Variants in SIRPA observed in about 807,000 individuals in gnomAD.
SIRPA encodes the protein tyrosine-protein phosphatase non-receptor type substrate 1.
A neutral mutation model predicts 50.3 loss-of-function variants in SIRPA; 9 were observed. That is an observed-to-expected ratio of 0.18 (90% CI 0.11 to 0.31). The LOEUF is 0.31. Ranked by LOEUF, SIRPA falls within the 10% of genes least tolerant of loss-of-function variation. The pLI is 1.00. For synonymous variants in SIRPA, 265 were observed against 284.1 expected (o/e 0.93, Z 0.68); for missense variants, 474 against 661.6 (o/e 0.72, Z 3.11).
Position 1,896,856 on chromosome 20 carries a change from C to T in SIRPA, c.79+1330C>T, listed in dbSNP as rs538705909. On this transcript the variant is annotated intron_variant, in intron 1 of 7. Coordinates refer to ENST00000358771, the MANE Select transcript of SIRPA (RefSeq NM_001040023.2). ...CTGAAGGGAGCACTGATACAGTTCA[C>T]GTCTCTCCAGTGAGTGGCATCTCCT... 2.0e-5 allele frequency among the ~76,000 whole-genome samples: 3 copies of T among 146,700 alleles called. No homozygotes were observed. The East Asian group carries it at 6.6e-4, about 32-fold the overall frequency.
chr20:1,909,535 A>G (rs1293022809), intron 1 of SIRPA, among the ~76,000 whole-genome samples: 2 of 152,154 alleles, frequency 1.3e-5, no homozygotes, highest in African/African-American at 2.4e-5. Context: ...TAATCCCAGC[A>G]CTTTGGGAGG....
intron 1 of SIRPA, among the ~76,000 whole-genome samples, chr20:1,896,267 C>T (rs1983812273): frequency 6.6e-6 from 1 of 152,202 alleles, no homozygotes; most frequent in South Asian, 2.1e-4. Flanking sequence ...AGGTGCTCCG[C>T]GGGGATGTTA....
chr20:1,903,011 CAAAAAAAAAA>C (rs58735842), intron 1 of SIRPA, among the ~76,000 whole-genome samples: 11 of 90,892 alleles, frequency 1.2e-4, no homozygotes, highest in African/African-American at 1.3e-4. Context: ...GACTCTGTCT[CAAAAAAAAAA>C]AAAAAAAAAA....
At chr20:1,894,276 C>T (rs1200969785), upstream of SIRPA, 3 of 152,110 alleles carry the variant, frequency 2.0e-5, no homozygotes, top group Non-Finnish European at 1.5e-5. The surrounding 1 kb of genome is among the most constrained non-coding windows in gnomAD (Gnocchi z 4.0). Flanking sequence ...CGCCCCCGCG[C>T]CCCGACTCCT....
chr20:1,908,728 C>G (rs1984701979), intron 1 of SIRPA, among the ~76,000 whole-genome samples: 1 of 152,194 alleles, frequency 6.6e-6, no homozygotes, highest in Admixed American at 6.5e-5. Context: ...ATTGTACAGC[C>G]CTGTACTACA....
chr20:1,900,157 A>G (rs1473396530), intron 1 of SIRPA, among the ~76,000 whole-genome samples: 1 of 148,528 alleles, frequency 6.7e-6, no homozygotes, highest in African/African-American at 2.5e-5. Flanking sequence ...CTGGAGTGCA[A>G]TGGCGTGATC....
intron 1 of SIRPA, 31 bp downstream of exon 1, chr20:1,895,557 C>CT: frequency 7.2e-7 from 1 of 1,389,920 alleles, no homozygotes; most frequent in Non-Finnish European, 9.3e-7. Flanking sequence ...CACCGCTGCA[C>CT]TCCCCAAACT....
At chr20:1,917,529 G>C (rs1985376283) in intron 2 of SIRPA, among the ~76,000 whole-genome samples, 1 of 152,196 alleles carries the variant, frequency 6.6e-6, no homozygotes, top group South Asian at 2.1e-4. Context: ...GATAGAGCAA[G>C]ATTCTGTCTT....
In SIRPA at chr20:1,915,454, C is replaced by T. The variant is rs6136375; in HGVS notation, c.435C>T (p.Arg145=). 0.39 allele frequency: 611,503 copies of T among 1,565,240 alleles called. 127,963 individuals carry two copies. The highest frequency in any genetic ancestry group is 0.66 in the East Asian group (29,308 of 44,580). Residue 145 remains arginine (R), a splice_region_variant and synonymous_variant, in exon 2 of 8, where the codon CGC becomes CGT. Transcript: ENST00000358771. ...GAGCAGGCACTGAGCTGTCTGTGCG[C>T]GGTGAGTACAGCGTGGGCCTCCTTT... ...KSGAGTELSV[R]AKPSAPVVSG...
Position 1,928,092 on chromosome 20 carries a change from T to C in SIRPA, c.1226+193T>C, listed in dbSNP as rs1484403998. On this transcript the variant is annotated intron_variant, in intron 6 of 7. Transcript: ENST00000358771. This position sits in a 1 kb window ranked among gnomAD's most constrained non-coding sequence, Gnocchi z 4.9. ...TATTGTCCCAAATGAGGGGTTTTTTTGGTGCACAGAGGTGCTAATTTCTTG... is the reference window on the plus strand; with the variant it reads ...TATTGTCCCAAATGAGGGGTTTTTTCGGTGCACAGAGGTGCTAATTTCTTG... Among the ~76,000 whole-genome samples, 2 of 152,174 alleles carry C rather than the reference T, an allele frequency of 1.3e-5. No homozygotes were observed. The highest frequency in any genetic ancestry group is 2.9e-5 in the Non-Finnish European group (2 of 68,046).
At chr20:1,897,095 T>C (rs1392668665) in intron 1 of SIRPA, among the ~76,000 whole-genome samples, 4 of 152,220 alleles carry the variant, frequency 2.6e-5, no homozygotes, top group Non-Finnish European at 5.9e-5. Context: ...AAACGAGCAG[T>C]GACGCTGATT....
At position 1,895,508 on chromosome 20, in the gene SIRPA, G is replaced by A. The variant is rs1983741650; in HGVS notation, c.61G>A (p.Ala21Thr). ...LGPLLCLLLA[A>T]SCAWSGVAGE... ...GCCGCTGCTCTGCCTGCTGCTCGCCGCGTCCTGCGCCTGGTCAGGTAAGCA... is the reference window on the plus strand; with the variant it reads ...GCCGCTGCTCTGCCTGCTGCTCGCCACGTCCTGCGCCTGGTCAGGTAAGCA... Residue 21 changes from alanine to threonine, a missense_variant, in exon 1 of 8, where the codon GCG becomes ACG. By Grantham distance (58) the Ala-to-Thr change is moderately conservative. This residue lies in a region of SIRPA where 72 missense variants were observed against 76.2 expected (regional missense o/e 0.94). Coordinates refer to ENST00000358771, the MANE Select transcript of SIRPA (RefSeq NM_001040023.2). 8.2e-6 allele frequency: 12 copies of A among 1,459,590 alleles called. No individual in the cohort carries two copies. Among genetic ancestry groups the A allele is most frequent in the Non-Finnish European group, 1.1e-5 (12 of 1,108,526 alleles). 90.4% of individuals were successfully genotyped at this position (1,459,590 alleles called of 1,614,324 possible). A position where few individuals can be genotyped will look rare whatever the true frequency, so the allele number is the denominator to read the frequency against.
intron 1 of SIRPA, among the ~76,000 whole-genome samples, chr20:1,903,580 C>T (rs1403721166): frequency 1.3e-5 from 2 of 152,190 alleles, no homozygotes; most frequent in Non-Finnish European, 2.9e-5. Flanking sequence ...TTCTGGACCA[C>T]GTCTGTCTCT....
In SIRPA at chr20:1,928,086, T is replaced by G. The variant is rs1356921727; in HGVS notation, c.1226+187T>G. Among the ~76,000 whole-genome samples the G allele has an allele frequency of 6.6e-6, 1 of 151,934 alleles. No individual in the cohort carries two copies. Among genetic ancestry groups the G allele is most frequent in the Non-Finnish European group, 1.5e-5 (1 of 67,962 alleles). On this transcript the variant is annotated intron_variant, in intron 6 of 7. Coordinates refer to ENST00000358771, the MANE Select transcript of SIRPA (RefSeq NM_001040023.2). This position sits in a 1 kb window ranked among gnomAD's most constrained non-coding sequence, Gnocchi z 4.9. ...TTTAATTATTGTCCCAAATGAGGGG[T>G]TTTTTTGGTGCACAGAGGTGCTAAT... is the stretch of plus-strand genomic sequence containing the variant.
In SIRPA at chr20:1,937,560, A is replaced by C. The variant is rs756533585; in HGVS notation, c.1507A>C (p.Arg503=). Residue 503 remains arginine (R), a synonymous_variant, in exon 8 of 8, where the codon AGG becomes CGG. Coordinates refer to ENST00000358771, the MANE Select transcript of SIRPA (RefSeq NM_001040023.2). This position sits in a 1 kb window ranked among gnomAD's most constrained non-coding sequence, Gnocchi z 8.3. The stretch of plus-strand genomic sequence containing the variant: ...AGAGTACGCCAGCGTCCAGGTCCCG[A>C]GGAAGTGAATGGGACCGTGGTTTGC... ...FSEYASVQVP[R]K is the part of the protein sequence containing the mutation. 6.2e-7 allele frequency: 1 copy of C among 1,614,030 alleles called. No individual in the cohort carries two copies. Among genetic ancestry groups the C allele is most frequent in the South Asian group, 1.1e-5 (1 of 91,068 alleles).
At chr20:1,899,243 G>T (rs1984019737) in intron 1 of SIRPA, among the ~76,000 whole-genome samples, 1 of 151,814 alleles carries the variant, frequency 6.6e-6, no homozygotes, top group Non-Finnish European at 1.5e-5. Context: ...CTGCCGTGAG[G>T]CCTGGGCTTC....
At chr20:1,905,495 C>G (rs1984492381) in intron 1 of SIRPA, among the ~76,000 whole-genome samples, 1 of 152,204 alleles carries the variant, frequency 6.6e-6, no homozygotes, top group Admixed American at 6.5e-5. Context: ...CTGGCCTAAC[C>G]CATGCATTTC....
intron 7 of SIRPA, among the ~76,000 whole-genome samples, chr20:1,935,565 G>A (rs891614291): frequency 1.3e-5 from 2 of 152,254 alleles, no homozygotes; most frequent in Admixed American, 6.5e-5. Flanking sequence ...CCGCAGCCCC[G>A]GACATGAGCT....
At position 1,936,420 on chromosome 20, in the gene SIRPA, T is replaced by G. The variant is rs1422604335; in HGVS notation, c.1267-900T>G. Among the ~76,000 whole-genome samples the G allele has an allele frequency of 6.6e-6, 1 of 152,204 alleles. No homozygotes were observed. Among genetic ancestry groups the G allele is most frequent in the Non-Finnish European group, 1.5e-5 (1 of 68,046 alleles). The stretch of plus-strand genomic sequence containing the variant: ...TCACAGCAACCCTGGCAGTAGACAC[T>G]ATTATCATCCCCTCTTTACAGATGG... On this transcript the variant is annotated intron_variant, in intron 7 of 7. Transcript: ENST00000358771. This position sits in a 1 kb window ranked among gnomAD's most constrained non-coding sequence, Gnocchi z 4.2.
Sources: allele counts gnomAD v4.1 joint callset (sites outside exome capture counted in the v4.1 genomes callset), GRCh38; gene constraint gnomAD v4.1.1; regional missense constraint gnomAD v4.1.1; non-coding constraint Gnocchi (gnomAD v3.1); transcripts MANE v1.5; gene names NCBI Gene and HGNC (gene_info 2026-07-23, HGNC 2026-07-21).